The following UTP20 variants were observed in gnomAD, a reference collection of about 807,000 sequenced individuals.
The protein encoded by UTP20 is small subunit processome component 20 homolog.
UTP20 carries 164 observed loss-of-function variants against 329.5 expected under a neutral mutation model. That is an observed-to-expected ratio of 0.50 (90% CI 0.44 to 0.57). The LOEUF is 0.57. UTP20 is among the 20% of genes least tolerant of loss of function. The pLI, the probability that UTP20 is intolerant of heterozygous loss-of-function variation, is 0.00. For missense variants in UTP20, 3,055 were observed against 3,284.2 expected (o/e 0.93, Z 1.71); for synonymous variants, 1,151 against 1,159.3 (o/e 0.99, Z 0.14).
intron 38 of UTP20, among the ~76,000 whole-genome samples, chr12:101,348,904 C>T (rs1199277176): frequency 6.6e-6 from 1 of 151,634 alleles, no homozygotes; most frequent in Non-Finnish European, 1.5e-5. Flanking sequence ...AGAGGACTTC[C>T]CTTAATTTTT....
At chr12:101,324,164 T>A (rs964328860) in intron 25 of UTP20, among the ~76,000 whole-genome samples, 1,756 of 149,960 alleles carry the variant, frequency 0.012, 31 homozygotes, top group African/African-American at 0.037. Flanking sequence ...AATAAATAAA[T>A]AATAATAATT....
At position 101,329,242 on chromosome 12, in the gene UTP20, A is replaced by G; in HGVS notation, c.3210A>G (p.Gly1070=). 1 of 1,614,056 alleles carries G rather than the reference A, an allele frequency of 6.2e-7. No homozygotes were observed. The highest frequency in any genetic ancestry group is 8.5e-7 in the Non-Finnish European group (1 of 1,179,926). Residue 1070 remains glycine (G), a splice_region_variant and synonymous_variant, in exon 27 of 62, where the codon GGA becomes GGG. Transcript: ENST00000261637. ...LFEPVRHFKN[G]ECHSAVIQAV... ...CTCTCGTCCTCTTTGTTTCACTAGG[A>G]GAGTGCCATTCTGCAGTCATTCAAG... is the stretch of plus-strand genomic sequence containing the variant.
chr12:101,324,365 G>A (rs1218992541), intron 25 of UTP20, among the ~76,000 whole-genome samples: 1 of 151,910 alleles, frequency 6.6e-6, no homozygotes, highest in East Asian at 2.0e-4. Context: ...AGCTCCCCAT[G>A]TACCTGGGAC....
chr12:101,307,426 G>A (rs905896049), intron 17 of UTP20, among the ~76,000 whole-genome samples: 2 of 151,798 alleles, frequency 1.3e-5, no homozygotes, highest in South Asian at 2.1e-4. Context: ...ACCTAGACTG[G>A]AATGCAGTGG....
At chr12:101,352,762 GTAAC>G (rs60557753) in intron 39 of UTP20, among the ~76,000 whole-genome samples, 1 of 150,618 alleles carries the variant, frequency 6.6e-6, no homozygotes, top group African/African-American at 2.5e-5. Context: ...GTATACATAT[GTAAC>G]TAACCTGCAC....
intron 35 of UTP20, 123 bp downstream of exon 35, chr12:101,343,216 T>C (rs1420930831): frequency 6.6e-6 from 4 of 603,030 alleles, no homozygotes; most frequent in Non-Finnish European, 1.1e-5. Context: ...TAGGATTAAA[T>C]TTCTTTTAGA....
At chr12:101,325,025 C>G (rs1278178161) in intron 25 of UTP20, among the ~76,000 whole-genome samples, 1 of 152,080 alleles carries the variant, frequency 6.6e-6, no homozygotes, top group Non-Finnish European at 1.5e-5. Context: ...TAGTAGTTGT[C>G]ATTGGGTTTT....
chr12:101,383,053 T>G lies in UTP20; in HGVS notation c.7669T>G (p.Leu2557Val), dbSNP rs781400772. 52 of 1,593,122 alleles carry G rather than the reference T, an allele frequency of 3.3e-5. No homozygotes were observed. Among genetic ancestry groups the G allele is most frequent in the Non-Finnish European group, 4.1e-5 (48 of 1,173,842 alleles). The change falls in exon 59 of 62, where the codon TTG becomes GTG. Residue 2557 changes from leucine to valine, a missense_variant. Leu to Val is a conservative substitution (Grantham distance 32). Transcript: ENST00000261637. ...QSLGEQVVKN[L>V]LFAAKVLYLL... ...TTTTTTTTTAAAGGTTGTTAAGAAT[T>G]TGTTGTTCGCAGCCAAAGTCTTGTA...
At chr12:101,370,022 G>A (rs1870232744) in intron 49 of UTP20, 131 bp downstream of exon 49, 5 of 857,704 alleles carry the variant, frequency 5.8e-6, no homozygotes, top group Middle Eastern at 3.7e-4. Context: ...AAGACCAGCT[G>A]GGTCAGCATA....
chr12:101,311,588 T>C, intron 19 of UTP20, 131 bp from the exon 20 acceptor site: 1 of 761,838 alleles, frequency 1.3e-6, no homozygotes, highest in Non-Finnish European at 2.0e-6. Flanking sequence ...AAAAGGTGTT[T>C]ACGACTCCAC....
At chr12:101,345,090 C>T (rs1276927510) in intron 36 of UTP20, among the ~76,000 whole-genome samples, 1 of 151,748 alleles carries the variant, frequency 6.6e-6, no homozygotes, top group East Asian at 1.9e-4. Context: ...GGATTACAGG[C>T]ACATGCCACC....
chr12:101,354,731 T>A lies in UTP20; in HGVS notation c.5108-101T>A, dbSNP rs117857926. On this transcript the variant is annotated intron_variant, in intron 40 of 61. Transcript: ENST00000261637. ...CCTGCCCACAGTTGCTGATTAGATA[T>A]TTTTTATCGGAAGTTGGACGTTGGT... 263 of 1,302,660 alleles carry A rather than the reference T, an allele frequency of 2.0e-4. 2 individuals are homozygous for A. The African/African-American group carries it at 3.6e-3, about 18-fold the overall frequency. The allele number at this position is 1,302,660 out of a possible 1,614,324, so 80.7% of individuals were successfully genotyped here.
Position 101,295,611 on chromosome 12 carries a change from G to A in UTP20, c.1383G>A (p.Ser461=), listed in dbSNP as rs763457427. 23 of 1,612,352 alleles carry A rather than the reference G, an allele frequency of 1.4e-5. No homozygotes were observed. The highest frequency in any genetic ancestry group is 9.9e-5 in the South Asian group (9 of 91,008). ...AAGCAGCACCTCCCACTGCTGGCTC[G>A]ATGGCAATTGAAAAGTACCCTCTGG... The part of the protein sequence containing the change: ...LNKAAPPTAG[S]MAIEKYPLVF... The change falls in exon 12 of 62, where the codon TCG becomes TCA. Residue 461 remains serine, a synonymous_variant. Coordinates refer to ENST00000261637, the MANE Select transcript of UTP20 (RefSeq NM_014503.3).
chr12:101,314,636 C>T (rs1414805084), intron 21 of UTP20, among the ~76,000 whole-genome samples: 18 of 146,528 alleles, frequency 1.2e-4, no homozygotes, highest in Non-Finnish European at 1.3e-4. Flanking sequence ...CCAGCCTGGG[C>T]GACAGAGCGA....
chr12:101,295,625 A>C lies in UTP20; in HGVS notation c.1397A>C (p.Lys466Thr). The change falls in exon 12 of 62, where the codon AAG (lysine) becomes ACG (threonine). Residue 466 changes from lysine to threonine, a missense_variant. Physicochemically the swap from Lys to Thr is moderately conservative, Grantham distance 78 (BLOSUM62 -1). Around this residue, in one of 3 missense-constraint regions of UTP20, gnomAD observed 2,445 missense variants for 2,575.5 expected, o/e 0.95. Transcript: ENST00000261637. Reference sequence around the variant, plus strand: ...ACTGCTGGCTCGATGGCAATTGAAAAGTACCCTCTGGTTTTCTCACCGCAG... The same window carrying C: ...ACTGCTGGCTCGATGGCAATTGAAACGTACCCTCTGGTTTTCTCACCGCAG... Reference protein sequence around the residue: ...PPTAGSMAIEKYPLVFSPQMV... With the variant: ...PPTAGSMAIETYPLVFSPQMV... 6.2e-7 allele frequency: 1 copy of C among 1,610,994 alleles called. No individual in the cohort carries two copies. The highest frequency in any genetic ancestry group is 8.5e-7 in the Non-Finnish European group (1 of 1,177,882).
intron 27 of UTP20, among the ~76,000 whole-genome samples, chr12:101,332,194 G>T (rs1360036276): frequency 6.6e-6 from 1 of 151,920 alleles, no homozygotes; most frequent in Non-Finnish European, 1.5e-5. Flanking sequence ...AAAATGAACG[G>T]GGCGTGGTGG....
In UTP20 at chr12:101,319,439, G is replaced by A; in HGVS notation, c.2739-106G>A. On this transcript the variant is annotated intron_variant, in intron 22 of 61. Transcript: ENST00000261637. Reference sequence around the variant, plus strand: ...TTGTTTATATAATAGTGAAACTATAGGCGGGGTGTTTGAAGTTCTAGTCAG... The same window carrying A: ...TTGTTTATATAATAGTGAAACTATAAGCGGGGTGTTTGAAGTTCTAGTCAG... The A allele has an allele frequency of 5.6e-6, 4 of 715,548 alleles. No homozygotes were observed. In the Admixed American group the frequency reaches 1.3e-4, roughly 23 times the overall value. 44.3% of individuals were successfully genotyped at this position (715,548 alleles called of 1,614,324 possible). A position where few individuals can be genotyped will look rare whatever the true frequency, so the allele number is the denominator to read the frequency against.
intron 19 of UTP20, among the ~76,000 whole-genome samples, chr12:101,311,086 A>G (rs1872775235): frequency 6.6e-6 from 1 of 152,198 alleles, no homozygotes; most frequent in Non-Finnish European, 1.5e-5. Context: ...GATAGAAACA[A>G]CAACATACCT....
chr12:101,333,739 A>G (rs1868838044), intron 28 of UTP20, among the ~76,000 whole-genome samples: 1 of 152,202 alleles, frequency 6.6e-6, no homozygotes, highest in Non-Finnish European at 1.5e-5. Flanking sequence ...TGCTTACTGC[A>G]ACCTCTGCCT....
Sources: allele counts gnomAD v4.1 joint callset (sites outside exome capture counted in the v4.1 genomes callset), GRCh38; gene constraint gnomAD v4.1.1; regional missense constraint gnomAD v4.1.1; transcripts MANE v1.5; gene names NCBI Gene and HGNC (gene_info 2026-07-23, HGNC 2026-07-21).